AP3B1: variants seen among roughly 807,000 people sequenced by gnomAD.
AP3B1 encodes the protein adaptor related protein complex 3 subunit beta 1, also known as AP-3 complex subunit beta-1.
A neutral mutation model predicts 132.5 loss-of-function variants in AP3B1; 61 were observed. The observed-to-expected ratio is 0.46, with a 90% CI of 0.37 to 0.57. The LOEUF (loss-of-function observed/expected upper bound fraction) is 0.57, where lower values mean the gene tolerates loss of function less well. AP3B1 is among the 20% of genes least tolerant of loss of function. The probability of loss-of-function intolerance (pLI) is 0.00; values close to 1 mark genes in which losing one functional copy is unlikely to be tolerated. For synonymous variants in AP3B1, 388 were observed against 438.3 expected (o/e 0.89, Z 1.43); for missense variants, 1,120 against 1,289.4 (o/e 0.87, Z 2.01).
At chr5:78,049,671 C>G (rs898917826) in intron 22 of AP3B1, among the ~76,000 whole-genome samples, 3 of 152,194 alleles carry the variant, frequency 2.0e-5, no homozygotes, top group African/African-American at 4.8e-5. Context: ...CCAGCCCGGT[C>G]TGAGCCACCA....
intron 22 of AP3B1, among the ~76,000 whole-genome samples, chr5:78,085,889 A>G (rs1203368247): frequency 6.6e-6 from 1 of 152,200 alleles, no homozygotes; most frequent in Non-Finnish European, 1.5e-5. Context: ...AAAACCCTCC[A>G]AAACATCAGA....
chr5:78,206,398 T>C (rs1296685054), intron 7 of AP3B1, among the ~76,000 whole-genome samples: 1 of 152,188 alleles, frequency 6.6e-6, no homozygotes, highest in Non-Finnish European at 1.5e-5. Context: ...ATGAATAGTA[T>C]ATATCTTAAC....
chr5:78,281,442 A>T (rs988298522), intron 1 of AP3B1, among the ~76,000 whole-genome samples: 26 of 151,862 alleles, frequency 1.7e-4, no homozygotes, highest in African/African-American at 6.3e-4. Flanking sequence ...CTCAAAAAAA[A>T]AAAAAAAAAA....
At chr5:78,288,726 G>A (rs552067815) in intron 1 of AP3B1, among the ~76,000 whole-genome samples, 9 of 152,262 alleles carry the variant, frequency 5.9e-5, no homozygotes, top group African/African-American at 2.2e-4. Flanking sequence ...AAAATTATGA[G>A]CCAAACACTT....
At chr5:78,055,853 T>C (rs1748791175) in intron 22 of AP3B1, among the ~76,000 whole-genome samples, 1 of 152,198 alleles carries the variant, frequency 6.6e-6, no homozygotes, top group Non-Finnish European at 1.5e-5. Context: ...CTTTAAAATA[T>C]CAGTTATTTA....
chr5:78,134,015 G>C (rs895392255), intron 15 of AP3B1, among the ~76,000 whole-genome samples: 1 of 151,762 alleles, frequency 6.6e-6, no homozygotes. Flanking sequence ...GCCGGGCATG[G>C]TGGCGGGCAC....
At chr5:78,155,949 G>A (rs1386596308) in intron 14 of AP3B1, among the ~76,000 whole-genome samples, 1 of 152,148 alleles carries the variant, frequency 6.6e-6, no homozygotes, top group Non-Finnish European at 1.5e-5. Flanking sequence ...CTGGGAAACA[G>A]ATGTTTGTAT....
intron 3 of AP3B1, among the ~76,000 whole-genome samples, chr5:78,229,462 G>A (rs550368960): frequency 1.4e-4 from 22 of 152,152 alleles, no homozygotes; most frequent in African/African-American, 4.8e-4. Context: ...GCCAGGCACA[G>A]TGGCTCACGC....
At chr5:78,009,120 T>C (rs185344451) in intron 26 of AP3B1, among the ~76,000 whole-genome samples, 211 of 152,192 alleles carry the variant, frequency 1.4e-3, no homozygotes, top group East Asian at 7.1e-3. Context: ...CAAACAGGTA[T>C]GCAATAACAG....
intron 22 of AP3B1, among the ~76,000 whole-genome samples, chr5:78,053,112 C>T (rs1276647513): frequency 6.6e-6 from 1 of 152,142 alleles, no homozygotes; most frequent in Non-Finnish European, 1.5e-5. Flanking sequence ...ACTGCTTTTT[C>T]ATTCACAAGA....
chr5:78,120,176 G>C (rs943844448), intron 17 of AP3B1, among the ~76,000 whole-genome samples: 1 of 152,114 alleles, frequency 6.6e-6, no homozygotes, highest in African/African-American at 2.4e-5. Flanking sequence ...TGCCCTAAAA[G>C]AGCTCCTAAA....
rs755752427 is a variant in AP3B1, at chr5:78,002,900, G to A, written c.*2C>T. 4.3e-5 allele frequency: 70 copies of A among 1,614,058 alleles called. No individual in the cohort carries two copies. The South Asian group carries it at 7.6e-4, about 17-fold the overall frequency. ...AGATTCTAAAGTCCAGATGTAAGCA[G>A]GTTACCCCTGAGACAGGACAGGCTT... On this transcript the variant is annotated 3_prime_UTR_variant, in exon 27 of 27. Transcript: ENST00000255194.
At chr5:78,197,761 T>C (rs2112445860) in intron 7 of AP3B1, among the ~76,000 whole-genome samples, 1 of 152,166 alleles carries the variant, frequency 6.6e-6, no homozygotes, top group East Asian at 1.9e-4. Context: ...TACAGCAAAA[T>C]ATTTTTATGT....
At chr5:78,274,261 G>C (rs952684058) in intron 1 of AP3B1, among the ~76,000 whole-genome samples, 3 of 151,748 alleles carry the variant, frequency 2.0e-5, no homozygotes, top group African/African-American at 7.3e-5. Context: ...GAACTCATTA[G>C]ATAGGTTTAA....
At chr5:78,233,070 G>C (rs1281818121) in intron 3 of AP3B1, among the ~76,000 whole-genome samples, 2 of 152,008 alleles carry the variant, frequency 1.3e-5, no homozygotes, top group Non-Finnish European at 2.9e-5. Flanking sequence ...CATAACATCA[G>C]TGCATTATTT....
intron 11 of AP3B1, among the ~76,000 whole-genome samples, chr5:78,169,591 G>A (rs1235524574): frequency 6.6e-6 from 1 of 151,916 alleles, no homozygotes; most frequent in Non-Finnish European, 1.5e-5. Context: ...ACCACGCCTG[G>A]CTAATTTTGA....
At chr5:78,118,332 C>G (rs1751958431) in intron 17 of AP3B1, among the ~76,000 whole-genome samples, 1 of 152,148 alleles carries the variant, frequency 6.6e-6, no homozygotes, top group Non-Finnish European at 1.5e-5. Flanking sequence ...GAGTGCCAGA[C>G]AGTGGGTGCA....
chr5:78,275,616 T>C (rs1322702084), intron 1 of AP3B1, among the ~76,000 whole-genome samples: 1 of 151,844 alleles, frequency 6.6e-6, no homozygotes, highest in Non-Finnish European at 1.5e-5. Context: ...GCTGGGATTA[T>C]AGGCACGCGC....
At chr5:78,036,415 C>T (rs1435793414) in intron 23 of AP3B1, among the ~76,000 whole-genome samples, 9 of 152,124 alleles carry the variant, frequency 5.9e-5, no homozygotes, top group Non-Finnish European at 1.3e-4. Context: ...AAAACACTGG[C>T]TCTGTTACGC....
Sources: gnomAD v4.1 joint callset for allele counts (sites outside exome capture counted in the v4.1 genomes callset) on GRCh38, gnomAD v4.1.1 for gene constraint, MANE v1.5 for transcripts, NCBI Gene and HGNC (gene_info 2026-07-23, HGNC 2026-07-21) for gene names.